CCNT1: variants seen among roughly 807,000 people sequenced by gnomAD.
The protein encoded by CCNT1 is cyclin-T1.
Under a neutral mutation model 67.3 loss-of-function variants are expected in CCNT1, and 18 were observed. That is an observed-to-expected ratio of 0.27 (90% CI 0.18 to 0.40). The LOEUF is 0.40. Among genes scored for constraint, CCNT1 ranks in the 10% least tolerant of loss-of-function variants. The pLI is 1.00. For synonymous variants in CCNT1, 333 were observed against 310.3 expected (o/e 1.07, Z -0.77); for missense variants, 744 against 884.9 (o/e 0.84, Z 2.02).
At chr12:48,699,414 T>C (rs561976426) in intron 5 of CCNT1, among the ~76,000 whole-genome samples, 1 of 152,218 alleles carries the variant, frequency 6.6e-6, no homozygotes, top group Non-Finnish European at 1.5e-5. Context: ...AGGGATTGTA[T>C]ATCATGGAAA....
chr12:48,689,628 C>T lies in CCNT1; in HGVS notation c.*3405G>A, dbSNP rs535127012. 2 of 152,316 alleles carry T rather than the reference C, an allele frequency of 1.3e-5. No homozygotes were observed. The highest frequency in any genetic ancestry group is 4.1e-4 in the South Asian group (2 of 4,826). 9.4% of individuals were successfully genotyped at this position (152,316 alleles called of 1,614,324 possible). A position where few individuals can be genotyped will look rare whatever the true frequency, so the allele number is the denominator to read the frequency against. ...TTTCAACTGCAAGATGTTCTAGATTCTCTCTTTTCTTAGTATCAAAATAAC... is the reference window on the plus strand; with the variant it reads ...TTTCAACTGCAAGATGTTCTAGATTTTCTCTTTTCTTAGTATCAAAATAAC... On this transcript the variant is annotated 3_prime_UTR_variant, in exon 9 of 9. Coordinates refer to ENST00000261900, the MANE Select transcript of CCNT1 (RefSeq NM_001240.4).
At chr12:48,711,801 TTTTTG>T (rs1311214441) in intron 2 of CCNT1, among the ~76,000 whole-genome samples, 2 of 152,256 alleles carry the variant, frequency 1.3e-5, no homozygotes, top group South Asian at 2.1e-4. Flanking sequence ...AATCTTTTTC[TTTTTG>T]TTTTGAGACG....
chr12:48,716,152 A>T (rs1456447698), intron 1 of CCNT1, among the ~76,000 whole-genome samples: 1 of 152,246 alleles, frequency 6.6e-6, no homozygotes, highest in Middle Eastern at 3.2e-3. Context: ...AGCCGTCAAC[A>T]GAGAAACCTC....
Position 48,692,224 on chromosome 12 carries a change from G to C in CCNT1, c.*809C>G, listed in dbSNP as rs1324935230. On this transcript the variant is annotated 3_prime_UTR_variant, in exon 9 of 9. Coordinates refer to ENST00000261900, the MANE Select transcript of CCNT1 (RefSeq NM_001240.4). Reference sequence around the variant, plus strand: ...GGCTACTACTCAATTATAACATAAAGAAAGGGAAAAATACCATGTCAAATA... The same window carrying C: ...GGCTACTACTCAATTATAACATAAACAAAGGGAAAAATACCATGTCAAATA... 6.6e-6 allele frequency: 1 copy of C among 152,160 alleles called. No individual in the cohort carries two copies. The highest frequency in any genetic ancestry group is 1.5e-5 in the Non-Finnish European group (1 of 68,032). The allele number at this position is 152,160 out of a possible 1,614,324, so 9.4% of individuals were successfully genotyped here.
chr12:48,713,046 T>G (rs1479390558), intron 2 of CCNT1, among the ~76,000 whole-genome samples: 1 of 152,196 alleles, frequency 6.6e-6, no homozygotes, highest in Admixed American at 6.5e-5. Context: ...GATATCACTA[T>G]GCATTCAATT....
rs1456463900 is a variant in CCNT1 at position 48,693,297 on chromosome 12, C to T, written c.1917G>A (p.Leu639=). The change falls in exon 9 of 9, where the codon CTG becomes CTA. Residue 639 remains leucine, a synonymous_variant. Transcript: ENST00000261900. ...SCKTRVPHSK[L]DKGPTGANGH... ...CATTGGCCCCAGTGGGCCCTTTATC[C>T]AGTTTCGAATGAGGGACACGAGTTT... 1 of 1,614,208 alleles carries T rather than the reference C, an allele frequency of 6.2e-7. No individual in the cohort carries two copies. Among genetic ancestry groups the T allele is most frequent in the Non-Finnish European group, 8.5e-7 (1 of 1,180,040 alleles).
chr12:48,715,662 C>G (rs531915288), intron 1 of CCNT1, among the ~76,000 whole-genome samples: 1 of 152,084 alleles, frequency 6.6e-6, no homozygotes, highest in African/African-American at 2.4e-5. Flanking sequence ...GGGGTTTAAT[C>G]ATGTTGGCCA....
At chr12:48,703,601 A>G (rs1007855719) in intron 3 of CCNT1, among the ~76,000 whole-genome samples, 16 of 151,662 alleles carry the variant, frequency 1.1e-4, no homozygotes, top group African/African-American at 3.6e-4. Context: ...AAAAAAAAAT[A>G]GTGAAACTAC....
At chr12:48,714,753 G>A (rs1242846004) in intron 1 of CCNT1, among the ~76,000 whole-genome samples, 9 of 152,206 alleles carry the variant, frequency 5.9e-5, no homozygotes, top group Non-Finnish European at 1.5e-5. Context: ...TAATATAAAT[G>A]TACTGAATGA....
intron 2 of CCNT1, among the ~76,000 whole-genome samples, chr12:48,710,532 AG>A (rs1248231321): frequency 4.6e-5 from 7 of 152,326 alleles, no homozygotes; most frequent in African/African-American, 1.7e-4. Context: ...CTGCAATCCC[AG>A]CACTTTGGGA....
At chr12:48,715,533 T>G (rs1167059827) in intron 1 of CCNT1, among the ~76,000 whole-genome samples, 7 of 152,092 alleles carry the variant, frequency 4.6e-5, no homozygotes, top group African/African-American at 1.2e-4. Context: ...CCATCTCGGC[T>G]AACTGCAACC....
chr12:48,693,094 T>C lies in CCNT1; in HGVS notation c.2120A>G (p.Lys707Arg), dbSNP rs771591632. Reference protein sequence around the residue: ...GISSRSGNTDKPRPPPLPSEP... With the variant: ...GISSRSGNTDRPRPPPLPSEP... ...TGATGGCAGAGGTGGTGGCCGGGGT[T>C]TGTCTGTATTGCCAGATCTCGAGGA... The change falls in exon 9 of 9, where the codon AAA becomes AGA. Residue 707 changes from lysine (K) to arginine (R), a missense_variant. Lys to Arg is a conservative substitution (Grantham distance 26). Transcript: ENST00000261900. The C allele has an allele frequency of 6.8e-6, 11 of 1,614,118 alleles. No individual in the cohort carries two copies. The East Asian group carries it at 2.5e-4, about 36-fold the overall frequency.
chr12:48,697,375 A>T (rs1216131381), intron 6 of CCNT1, among the ~76,000 whole-genome samples: 1 of 151,660 alleles, frequency 6.6e-6, no homozygotes, highest in South Asian at 2.1e-4. Flanking sequence ...CAAAAAAATT[A>T]GCGGGGCATG....
intron 2 of CCNT1, among the ~76,000 whole-genome samples, chr12:48,711,914 T>C (rs1224017169): frequency 6.6e-6 from 1 of 152,144 alleles, no homozygotes; most frequent in Non-Finnish European, 1.5e-5. Flanking sequence ...TGTCTCAGCC[T>C]CCCGAGTAGC....
chr12:48,693,608 C>G lies in CCNT1; in HGVS notation c.1606G>C (p.Gly536Arg). 1.2e-6 allele frequency: 2 copies of G among 1,614,116 alleles called. No individual in the cohort carries two copies. The highest frequency in any genetic ancestry group is 1.7e-6 in the Non-Finnish European group (2 of 1,180,008). Residue 536 changes from glycine to arginine, a missense_variant, in exon 9 of 9, where the codon GGT becomes CGT. Physicochemically the swap from Gly to Arg is moderately radical, Grantham distance 125. Transcript: ENST00000261900. Reference sequence around the variant, plus strand: ...TCACCAGGACGTTTGTTCCCAGTACCAACTGGAAGTTGGGAATGAGAGTGC... The same window carrying G: ...TCACCAGGACGTTTGTTCCCAGTACGAACTGGAAGTTGGGAATGAGAGTGC... Reference protein sequence around the residue: ...HKHSHSQLPVGTGNKRPGDPK... With the variant: ...HKHSHSQLPVRTGNKRPGDPK...
At position 48,699,841 on chromosome 12, in the gene CCNT1, CT is replaced by C. The variant is rs767101865; in HGVS notation, c.434-2del. 2 of 1,589,680 alleles carry C rather than the reference CT, an allele frequency of 1.3e-6. No homozygotes were observed. Among genetic ancestry groups the C allele is most frequent in the Non-Finnish European group, 1.7e-6 (2 of 1,163,238 alleles). On this transcript the variant is annotated splice_acceptor_variant, in intron 4 of 8. Coordinates refer to ENST00000261900, the MANE Select transcript of CCNT1 (RefSeq NM_001240.4). LOFTEE classifies it high-confidence loss of function. ...GGGTGATCAATTGTTAGTTCAAAGC[CT>C]TAAAAGAAAAAGTAATGGATTAAAA...
At chr12:48,697,112 T>A (rs1940181146) in intron 6 of CCNT1, among the ~76,000 whole-genome samples, 1 of 152,154 alleles carries the variant, frequency 6.6e-6, no homozygotes, top group South Asian at 2.1e-4. Flanking sequence ...TATGAGCCAC[T>A]GTGCCCAGTC....
Position 48,694,016 on chromosome 12 carries a change from A to G in CCNT1, c.1198T>C (p.Leu400=), listed in dbSNP as rs1940128693. The change falls in exon 9 of 9, where the codon TTG becomes CTG. Residue 400 remains leucine (L), a synonymous_variant. Coordinates refer to ENST00000261900, the MANE Select transcript of CCNT1 (RefSeq NM_001240.4). ...KEYRAKHAEE[L]AAQKRQLENM... Reference sequence around the variant, plus strand: ...TCCAGTTGCCTCTTCTGGGCAGCCAATTCTTCTGCATGCTTCGCGCGGTAT... The same window carrying G: ...TCCAGTTGCCTCTTCTGGGCAGCCAGTTCTTCTGCATGCTTCGCGCGGTAT... 1.2e-6 allele frequency: 2 copies of G among 1,614,046 alleles called. No homozygotes were observed. The highest frequency in any genetic ancestry group is 1.7e-5 in the Admixed American group (1 of 59,992).
chr12:48,688,854 T>C lies in CCNT1; in HGVS notation c.*4179A>G, dbSNP rs1454759308. ...TCTTTGGTCTGACAAGAAAAGAGTT[T>C]TAGGTGTGTGAAGTAGGGTGGGAAA... On this transcript the variant is annotated 3_prime_UTR_variant, in exon 9 of 9. Transcript: ENST00000261900. 6.6e-6 allele frequency: 1 copy of C among 152,154 alleles called. No homozygotes were observed. The highest frequency in any genetic ancestry group is 1.5e-5 in the Non-Finnish European group (1 of 68,042). The allele number at this position is 152,154 out of a possible 1,614,324, so 9.4% of individuals were successfully genotyped here.
Sources: gnomAD v4.1 joint callset for allele counts (sites outside exome capture counted in the v4.1 genomes callset) on GRCh38, gnomAD v4.1.1 for gene constraint, MANE v1.5 for transcripts, NCBI Gene and HGNC (gene_info 2026-07-23, HGNC 2026-07-21) for gene names.